Variants in SVIL observed in about 807,000 individuals in gnomAD.
SVIL encodes supervillin.
In SVIL, 101 loss-of-function variants were observed where a neutral mutation model predicts 240.4. The observed-to-expected ratio is 0.42, with a 90% CI of 0.36 to 0.50. SVIL has a LOEUF of 0.50. Among genes scored for constraint, SVIL ranks in the 20% least tolerant of loss-of-function variants. The pLI is 0.01. For synonymous variants in SVIL, 999 were observed against 1,100.0 expected (o/e 0.91, Z 1.82); for missense variants, 2,512 against 2,818.7 (o/e 0.89, Z 2.46).
At position 29,494,958 on chromosome 10, in the gene SVIL, T is replaced by C; in HGVS notation, c.3797A>G (p.Lys1266Arg). The change falls in exon 20 of 38, where the codon AAG (lysine) becomes AGG (arginine). Residue 1266 changes from lysine to arginine, a missense_variant. Around this residue, in one of 3 missense-constraint regions of SVIL, gnomAD observed 272 missense variants for 406.8 expected, o/e 0.67. Transcript: ENST00000355867. ...TAGAAAGGTTTCCAGCCTGTCCAACTTCAGGTCCGATTCTAACTGCATATC... is the reference window on the plus strand; with the variant it reads ...TAGAAAGGTTTCCAGCCTGTCCAACCTCAGGTCCGATTCTAACTGCATATC... ...RPDMQLESDL[K>R]LDRLETFLRR... 1 of 1,614,036 alleles carries C rather than the reference T, an allele frequency of 6.2e-7. No homozygotes were observed. Among genetic ancestry groups the C allele is most frequent in the Non-Finnish European group, 8.5e-7 (1 of 1,180,022 alleles).
intron 1 of SVIL, among the ~76,000 whole-genome samples, chr10:29,594,717 C>A (rs1343242767): frequency 6.6e-6 from 1 of 152,006 alleles, no homozygotes; most frequent in African/African-American, 2.4e-5. Context: ...CCACCACACC[C>A]AGATAATTTT....
intron 21 of SVIL, among the ~76,000 whole-genome samples, chr10:29,491,639 G>C (rs1189367579): frequency 6.6e-6 from 1 of 152,028 alleles, no homozygotes; most frequent in African/African-American, 2.4e-5. Context: ...CAATTCTTTG[G>C]GGTGGAAAAC....
chr10:29,610,220 G>A (rs1027884467), intron 1 of SVIL, among the ~76,000 whole-genome samples: 5 of 152,016 alleles, frequency 3.3e-5, no homozygotes, highest in African/African-American at 9.6e-5. Context: ...CCCCACCCTC[G>A]TCCCTTCCTT....
At chr10:29,720,120 A>G (rs1963884893) in intron 1 of SVIL, among the ~76,000 whole-genome samples, 1 of 152,162 alleles carries the variant, frequency 6.6e-6, no homozygotes, top group Non-Finnish European at 1.5e-5. Flanking sequence ...AGGCAGGAAG[A>G]CTGAGCCCAA....
At chr10:29,492,652 A>C (rs1257836772) in intron 21 of SVIL, among the ~76,000 whole-genome samples, 2 of 152,086 alleles carry the variant, frequency 1.3e-5, no homozygotes, top group Non-Finnish European at 2.9e-5. Flanking sequence ...CTAATACCAT[A>C]ATCACTTTTC....
chr10:29,641,015 A>T (rs1295466332), intron 3 of SVIL, among the ~76,000 whole-genome samples: 2 of 152,230 alleles, frequency 1.3e-5, no homozygotes, highest in Admixed American at 1.3e-4. Flanking sequence ...GGAAGCCCAC[A>T]TGGCAAACTT....
intron 17 of SVIL, chr10:29,508,443 G>A (rs1215695766): frequency 7.9e-7 from 1 of 1,273,108 alleles, no homozygotes; most frequent in Non-Finnish European, 1.0e-6. Context: ...AGAAGAGCCT[G>A]GTCAGGGCAT....
chr10:29,536,247 C>T (rs1951735204), intron 6 of SVIL, among the ~76,000 whole-genome samples, 178 bp from the exon 7 acceptor site: 1 of 151,976 alleles, frequency 6.6e-6, no homozygotes, highest in Non-Finnish European at 1.5e-5. Flanking sequence ...ACATGAGGGC[C>T]CACTTGAGGG....
chr10:29,545,273 G>A (rs1465395054), intron 6 of SVIL, among the ~76,000 whole-genome samples: 1 of 152,112 alleles, frequency 6.6e-6, no homozygotes, highest in Non-Finnish European at 1.5e-5. Flanking sequence ...AGGCTGCACC[G>A]TGTCAAGTTG....
intron 12 of SVIL, 55 bp downstream of exon 12, chr10:29,529,650 A>G: frequency 1.3e-6 from 2 of 1,523,526 alleles, no homozygotes; most frequent in East Asian, 4.7e-5. Flanking sequence ...CTTTAAATGT[A>G]TTTTTTTAAA....
Position 29,512,850 on chromosome 10 carries a change from A to G in SVIL, c.3401T>C (p.Leu1134Ser). Reference sequence around the variant, plus strand: ...CCAATCTTCCTCCCCGCTTTTCTTCAACAGTGCCAATCTAGGAGGAAAACA... The same window carrying G: ...CCAATCTTCCTCCCCGCTTTTCTTCGACAGTGCCAATCTAGGAGGAAAACA... ...TMSIKERLAL[L>S]KKSGEEDWRN... The change falls in exon 17 of 38, where the codon TTG (leucine) becomes TCG (serine). Residue 1134 changes from leucine (L) to serine (S), a missense_variant. Physicochemically the swap from Leu to Ser is moderately radical, Grantham distance 145. This residue lies in a region of SVIL where 1,443 missense variants were observed against 1,486.6 expected (regional missense o/e 0.97). Coordinates refer to ENST00000355867, the MANE Select transcript of SVIL (RefSeq NM_021738.3). 1.9e-6 allele frequency: 3 copies of G among 1,610,528 alleles called. No homozygotes were observed. The highest frequency in any genetic ancestry group is 2.5e-6 in the Non-Finnish European group (3 of 1,179,860).
At chr10:29,510,701 G>C (rs1384427287) in intron 17 of SVIL, among the ~76,000 whole-genome samples, 5 of 151,656 alleles carry the variant, frequency 3.3e-5, no homozygotes, top group Middle Eastern at 3.2e-3. Context: ...TGTCATGACT[G>C]TCTGTCCTTC....
In SVIL at chr10:29,533,426, T is replaced by C. The variant is rs1951519770; in HGVS notation, c.941A>G (p.Glu314Gly). 2.5e-6 allele frequency: 4 copies of C among 1,613,462 alleles called. No individual in the cohort carries two copies. The highest frequency in any genetic ancestry group is 3.4e-6 in the Non-Finnish European group (4 of 1,179,554). The part of the protein sequence containing the change: ...VKVREKLVKE[E>G]SARNSPELAS... Reference sequence around the variant, plus strand: ...GAGTTCAGGGCTGTTTCGAGCACTTTCCTCTTTCACCAATTTTTCTCTAAC... The same window carrying C: ...GAGTTCAGGGCTGTTTCGAGCACTTCCCTCTTTCACCAATTTTTCTCTAAC... The change falls in exon 8 of 38, where the codon GAA becomes GGA. Residue 314 changes from glutamate to glycine, a missense_variant. By Grantham distance (98) the Glu-to-Gly change is moderately conservative. Coordinates refer to ENST00000355867, the MANE Select transcript of SVIL (RefSeq NM_021738.3).
At chr10:29,530,325 G>C (rs139394940) in intron 11 of SVIL, among the ~76,000 whole-genome samples, 6 of 152,324 alleles carry the variant, frequency 3.9e-5, no homozygotes, top group African/African-American at 1.4e-4. Context: ...CTGTGTCCAT[G>C]AGGTGGCCAC....
In SVIL at chr10:29,505,813, C is replaced by T. The variant is rs539666535; in HGVS notation, c.3517-6550G>A. On this transcript the variant is annotated intron_variant, in intron 17 of 37. Coordinates refer to ENST00000355867, the MANE Select transcript of SVIL (RefSeq NM_021738.3). ...GGAACTCTGTACTTTCTGCTGTGAA[C>T]CTACAACTGCTCCAAAAAAATAAAT... Among the ~76,000 whole-genome samples the T allele has an allele frequency of 3.9e-5, 6 of 152,138 alleles. No homozygotes were observed. The South Asian group carries it at 1.2e-3, about 32-fold the overall frequency.
chr10:29,691,962 C>T (rs937270506), intron 1 of SVIL, among the ~76,000 whole-genome samples: 1 of 152,132 alleles, frequency 6.6e-6, no homozygotes, highest in African/African-American at 2.4e-5. Flanking sequence ...AAATTAGCAC[C>T]CATCTGGAAG....
intron 24 of SVIL, 84 bp downstream of exon 24, chr10:29,487,079 C>G: frequency 4.6e-6 from 7 of 1,519,036 alleles, no homozygotes; most frequent in Non-Finnish European, 6.2e-6. Flanking sequence ...TTTTGAGAAG[C>G]TTTGTGACTG....
chr10:29,532,017 C>T lies in SVIL; in HGVS notation c.1994G>A (p.Arg665Gln), dbSNP rs1189640266. The T allele has an allele frequency of 6.8e-6, 11 of 1,614,194 alleles. No individual in the cohort carries two copies. Among genetic ancestry groups the T allele is most frequent in the South Asian group, 3.3e-5 (3 of 91,078 alleles). Reference sequence around the variant, plus strand: ...GCATGCCTACCTATCCGATTCCTTTCGTTCTGCTGAAGTTATAGGTTGGGT... The same window carrying T: ...GCATGCCTACCTATCCGATTCCTTTTGTTCTGCTGAAGTTATAGGTTGGGT... ...FRTQPITSAE[R>Q]KESDRCTSHS... The change falls in exon 9 of 38, where the codon CGA becomes CAA. Residue 665 changes from arginine to glutamine, a missense_variant. Arg to Gln is a conservative substitution (Grantham distance 43). Transcript: ENST00000355867.
At position 29,735,537 on chromosome 10, in the gene SVIL, C is replaced by G. The variant is rs1341151257; in HGVS notation, c.-400+214G>C. Among the ~76,000 whole-genome samples the G allele has an allele frequency of 1.3e-5, 2 of 150,352 alleles. No individual in the cohort carries two copies. The highest frequency in any genetic ancestry group is 6.6e-5 in the Admixed American group (1 of 15,124). ...CGGCTCGGGGACCCCGCGGGCCGAGCGCAGCGCCCCGTCGCAGCGGCCCGG... is the reference window on the plus strand; with the variant it reads ...CGGCTCGGGGACCCCGCGGGCCGAGGGCAGCGCCCCGTCGCAGCGGCCCGG... On this transcript the variant is annotated intron_variant, in intron 1 of 35. Coordinates refer to the SVIL transcript ENST00000375400. The surrounding 1 kb of genome is among the most constrained non-coding windows in gnomAD (Gnocchi z 4.1).
Sources: allele counts gnomAD v4.1 joint callset (sites outside exome capture counted in the v4.1 genomes callset), GRCh38; gene constraint gnomAD v4.1.1; regional missense constraint gnomAD v4.1.1; non-coding constraint Gnocchi (gnomAD v3.1); transcripts MANE v1.5; gene names NCBI Gene and HGNC (gene_info 2026-07-23, HGNC 2026-07-21).